The following PDGFD variants were observed in gnomAD, a reference collection of about 807,000 sequenced individuals.
PDGFD encodes platelet-derived growth factor D.
A neutral mutation model predicts 44.7 loss-of-function variants in PDGFD; 30 were observed. The observed-to-expected ratio is 0.67, with a 90% CI of 0.50 to 0.91. The LOEUF (loss-of-function observed/expected upper bound fraction) is 0.91, where lower values mean the gene tolerates loss of function less well. Among genes scored for constraint, PDGFD ranks in the 40% least tolerant of loss-of-function variants. PDGFD has a pLI of 0.00. For synonymous variants in PDGFD, 173 were observed against 168.4 expected (o/e 1.03, Z -0.21); for missense variants, 445 against 457.8 (o/e 0.97, Z 0.25).
At chr11:103,959,894 A>C (rs1385419271) in intron 3 of PDGFD, among the ~76,000 whole-genome samples, 1 of 152,170 alleles carries the variant, frequency 6.6e-6, no homozygotes, top group Non-Finnish European at 1.5e-5. Flanking sequence ...TGGTAATTAA[A>C]TGAGAGATCC....
intron 1 of PDGFD, among the ~76,000 whole-genome samples, chr11:104,098,979 CTT>C (rs1861327872): frequency 7.1e-5 from 1 of 14,066 alleles, no homozygotes; most frequent in Non-Finnish European, 1.8e-4. Context: ...AAATCACTTT[CTT>C]AGTTAAAGCA....
At chr11:104,163,704 ACATTCAAGATT>A in intron 1 of PDGFD, 89 bp downstream of exon 1, 8 of 1,356,930 alleles carry the variant, frequency 5.9e-6, no homozygotes, top group Non-Finnish European at 7.9e-6. Flanking sequence ...GCCCGAGTTC[ACATTCAAGATT>A]CAAAAAGAAA....
intron 1 of PDGFD, among the ~76,000 whole-genome samples, chr11:104,081,582 A>C (rs1861046138): frequency 1.3e-5 from 2 of 152,158 alleles, no homozygotes; most frequent in Non-Finnish European, 1.5e-5. Flanking sequence ...ATAACTTTGT[A>C]TTTATTATAG....
intron 1 of PDGFD, among the ~76,000 whole-genome samples, chr11:104,003,412 T>C (rs1164512535): frequency 6.6e-6 from 1 of 152,150 alleles, no homozygotes; most frequent in Non-Finnish European, 1.5e-5. Flanking sequence ...AGCCTGTTGG[T>C]GATACAGTAG....
At chr11:103,998,630 G>A (rs747237867) in intron 2 of PDGFD, among the ~76,000 whole-genome samples, 1 of 152,146 alleles carries the variant, frequency 6.6e-6, no homozygotes, top group Non-Finnish European at 1.5e-5. Flanking sequence ...GAGCTGTTCT[G>A]GCAAATTATT....
chr11:103,918,531 A>AGT (rs1261097323), intron 6 of PDGFD, among the ~76,000 whole-genome samples: 1 of 152,220 alleles, frequency 6.6e-6, no homozygotes, highest in Non-Finnish European at 1.5e-5. Context: ...GGCAAACAAA[A>AGT]GTGTGTGCTT....
intron 3 of PDGFD, among the ~76,000 whole-genome samples, chr11:103,993,173 T>C (rs1378383988): frequency 1.3e-5 from 2 of 152,144 alleles, no homozygotes; most frequent in African/African-American, 4.8e-5. Flanking sequence ...GCTCACACAG[T>C]CCTCCAGCTT....
intron 3 of PDGFD, among the ~76,000 whole-genome samples, chr11:103,994,558 A>G (rs1381207918): frequency 1.3e-5 from 2 of 152,228 alleles, no homozygotes; most frequent in Non-Finnish European, 2.9e-5. Flanking sequence ...ACCATAATGC[A>G]AAGAAAACCA....
chr11:104,094,930 C>T (rs751083249), intron 1 of PDGFD, among the ~76,000 whole-genome samples: 23 of 152,028 alleles, frequency 1.5e-4, no homozygotes, highest in Non-Finnish European at 3.2e-4. Context: ...ATGATGTGAC[C>T]CCTGCTAGGT....
At chr11:103,990,639 G>C (rs900294379) in intron 3 of PDGFD, among the ~76,000 whole-genome samples, 4 of 152,092 alleles carry the variant, frequency 2.6e-5, no homozygotes, top group African/African-American at 9.7e-5. Context: ...CTATATTGCA[G>C]CTCTTGCAGC....
chr11:104,116,087 TTGGA>T (rs1434776815), intron 1 of PDGFD, among the ~76,000 whole-genome samples: 28 of 152,120 alleles, frequency 1.8e-4, no homozygotes, highest in Non-Finnish European at 2.9e-5. Flanking sequence ...TTTTGGGTTC[TTGGA>T]CATGAAATCT....
At chr11:104,030,428 C>A (rs1860106821) in intron 1 of PDGFD, among the ~76,000 whole-genome samples, 1 of 152,158 alleles carries the variant, frequency 6.6e-6, no homozygotes, top group African/African-American at 2.4e-5. Flanking sequence ...AACTCTAAAG[C>A]AGATGAAGGT....
At chr11:103,978,657 C>A (rs781637498) in intron 3 of PDGFD, among the ~76,000 whole-genome samples, 4 of 151,946 alleles carry the variant, frequency 2.6e-5, no homozygotes, top group Middle Eastern at 3.2e-3. Context: ...AATCCTATGG[C>A]ATGCTTGTAA....
At chr11:104,139,924 G>A (rs1862061762) in intron 1 of PDGFD, among the ~76,000 whole-genome samples, 1 of 74,100 alleles carries the variant, frequency 1.3e-5, no homozygotes. Flanking sequence ...GCCGGGCGCG[G>A]TGGCGGGCGC....
At chr11:103,977,967 T>C (rs1158323333) in intron 3 of PDGFD, among the ~76,000 whole-genome samples, 1 of 152,058 alleles carries the variant, frequency 6.6e-6, no homozygotes, top group Non-Finnish European at 1.5e-5. Context: ...AAGGCTGATA[T>C]ACTGTGTAAT....
chr11:104,154,937 G>T (rs1407342444), intron 1 of PDGFD, among the ~76,000 whole-genome samples: 1 of 152,132 alleles, frequency 6.6e-6, no homozygotes, highest in Non-Finnish European at 1.5e-5. Flanking sequence ...CTCTGCATCT[G>T]CTCCAAGCTA....
chr11:103,955,694 AAGTT>A (rs2134332320), intron 3 of PDGFD, among the ~76,000 whole-genome samples: 1 of 152,314 alleles, frequency 6.6e-6, no homozygotes, highest in Non-Finnish European at 1.5e-5. Flanking sequence ...ATATCTCTCA[AAGTT>A]AGAGAATTTG....
intron 1 of PDGFD, among the ~76,000 whole-genome samples, chr11:104,133,224 T>A (rs1236813004): frequency 6.6e-6 from 1 of 152,146 alleles, no homozygotes; most frequent in Non-Finnish European, 1.5e-5. Context: ...TAAAATGGCA[T>A]GCAACAATGT....
chr11:104,107,399 C>A (rs11226158), intron 1 of PDGFD, among the ~76,000 whole-genome samples: 21,037 of 152,010 alleles, frequency 0.14, 1,553 homozygotes, highest in East Asian at 0.31. Context: ...ACAAACAGTG[C>A]GCTTAGAAGA....
Sources: allele counts gnomAD v4.1 joint callset (sites outside exome capture counted in the v4.1 genomes callset), GRCh38; gene constraint gnomAD v4.1.1; transcripts MANE v1.5; gene names NCBI Gene and HGNC (gene_info 2026-07-23, HGNC 2026-07-21).